SLC4A8: variants seen among roughly 807,000 people sequenced by gnomAD.
SLC4A8 encodes solute carrier family 4 member 8.
A neutral mutation model predicts 125.0 loss-of-function variants in SLC4A8; 40 were observed. The ratio of observed to expected loss-of-function variants is 0.32; its 90% CI spans 0.25 to 0.42. The LOEUF (loss-of-function observed/expected upper bound fraction) is 0.42. Ranked by LOEUF, SLC4A8 falls within the 10% of genes least tolerant of loss-of-function variation. SLC4A8 has a pLI of 1.00. For synonymous variants in SLC4A8, 456 were observed against 476.0 expected (o/e 0.96, Z 0.55); for missense variants, 863 against 1,355.1 (o/e 0.64, Z 5.70).
rs3215168 is a variant in SLC4A8 at position 51,508,469 on chromosome 12, A to ATT, written c.*1032_*1033insTT. ...TACATTCCAATTCCATCCTGGCGAG[A>ATT]TCCAAGTGCTTACGTACTGTCTCCT... On this transcript the variant is annotated 3_prime_UTR_variant, in exon 25 of 25. Transcript: ENST00000453097. 1.2e-4 allele frequency: 19 copies of ATT among 152,656 alleles called. No individual in the cohort carries two copies. In the East Asian group the frequency reaches 3.5e-3, roughly 28 times the overall value. The allele number at this position is 152,656 out of a possible 1,614,324, so 9.5% of individuals were successfully genotyped here. A position where few individuals can be genotyped will look rare whatever the true frequency, so the allele number is the denominator to read the frequency against.
intron 11 of SLC4A8, 125 bp from the exon 12 acceptor site, chr12:51,469,489 G>A (rs1450827053): frequency 3.2e-5 from 25 of 773,028 alleles, no homozygotes; most frequent in Non-Finnish European, 5.0e-5. Flanking sequence ...CTGTACTGGG[G>A]TCAAACTGAA....
chr12:51,411,013 T>C, intron 1 of SLC4A8, among the ~76,000 whole-genome samples: 1 of 149,218 alleles, frequency 6.7e-6, no homozygotes, highest in Non-Finnish European at 1.5e-5. Flanking sequence ...GTGCTGGGAA[T>C]ACAAGTGTGA....
At chr12:51,467,680 TA>T (rs570012553) in intron 11 of SLC4A8, among the ~76,000 whole-genome samples, 1 of 151,622 alleles carries the variant, frequency 6.6e-6, no homozygotes, top group Non-Finnish European at 1.5e-5. Flanking sequence ...TTCAAACATA[TA>T]AAAAAAAGGG....
chr12:51,459,389 C>G (rs1257500814), intron 7 of SLC4A8, among the ~76,000 whole-genome samples: 2 of 152,030 alleles, frequency 1.3e-5, no homozygotes, highest in Non-Finnish European at 2.9e-5. Flanking sequence ...GAACCTATAC[C>G]TTAAAAGCTC....
chr12:51,463,409 G>T (rs533721842), intron 10 of SLC4A8, among the ~76,000 whole-genome samples: 1 of 125,466 alleles, frequency 8.0e-6, no homozygotes, highest in Non-Finnish European at 1.7e-5. Context: ...AGAAATTATG[G>T]GGTGTGTGTG....
chr12:51,401,388 C>G (rs1460870017), intron 1 of SLC4A8, among the ~76,000 whole-genome samples: 3 of 152,124 alleles, frequency 2.0e-5, no homozygotes, highest in Admixed American at 6.5e-5. Context: ...ATAGGGGAGC[C>G]AGAAGGGAGA....
At position 51,509,152 on chromosome 12, in the gene SLC4A8, A is replaced by G. The variant is rs1938279133; in HGVS notation, c.*1714A>G. 2 of 152,682 alleles carry G rather than the reference A, an allele frequency of 1.3e-5. No individual in the cohort carries two copies. The highest frequency in any genetic ancestry group is 2.4e-5 in the African/African-American group (1 of 41,470). The allele number at this position is 152,682 out of a possible 1,614,324, so 9.5% of individuals were successfully genotyped here. On this transcript the variant is annotated 3_prime_UTR_variant, in exon 25 of 25. Transcript: ENST00000453097. The stretch of plus-strand genomic sequence containing the variant: ...TTGTACCAATGCCTATTGGCTGAAC[A>G]TTATGCTACTTTCAGATATTAAAAT...
In SLC4A8 at chr12:51,474,440, C is replaced by G. The variant is rs1416700874; in HGVS notation, c.2003C>G (p.Thr668Ser). ...VTAEVHWANLTVSECQEMHGE... is the reference protein window; with the variant it reads ...VTAEVHWANLSVSECQEMHGE... ...GCAGAAGTCCACTGGGCTAACCTGA[C>G]TGTCAGTGTAAGTCTGGGAGCTGCC... is the stretch of plus-strand genomic sequence containing the variant. Residue 668 changes from threonine to serine, a missense_variant, in exon 15 of 25, where the codon ACT (threonine) becomes AGT (serine). Thr to Ser is a moderately conservative substitution (Grantham distance 58). Around this residue, in one of 6 missense-constraint regions of SLC4A8, gnomAD observed 76 missense variants for 80.2 expected, o/e 0.95. Coordinates refer to ENST00000453097, the MANE Select transcript of SLC4A8 (RefSeq NM_001039960.3). 1 of 1,613,298 alleles carries G rather than the reference C, an allele frequency of 6.2e-7. No homozygotes were observed. The highest frequency in any genetic ancestry group is 1.3e-5 in the African/African-American group (1 of 74,928).
In SLC4A8 at chr12:51,485,783, C is replaced by T. The variant is rs1357570279; in HGVS notation, c.2173-4C>T. 16 of 1,561,952 alleles carry T rather than the reference C, an allele frequency of 1.0e-5. No homozygotes were observed. Among genetic ancestry groups the T allele is most frequent in the Non-Finnish European group, 1.2e-5 (14 of 1,132,842 alleles). ...AACATGTGTCCACTTCTTTCTCATG[C>T]CAGGTACGCTCCATGGTGAGTGACT... On this transcript the variant is annotated splice_polypyrimidine_tract_variant and splice_region_variant and intron_variant, in intron 16 of 24. Transcript: ENST00000453097.
chr12:51,448,041 C>T (rs568689099), intron 2 of SLC4A8, among the ~76,000 whole-genome samples: 55 of 152,108 alleles, frequency 3.6e-4, no homozygotes, highest in Non-Finnish European at 7.5e-4. Flanking sequence ...TTTTATTTCT[C>T]TTGAACTTGT....
At chr12:51,505,286 T>A (rs1346181480) in intron 23 of SLC4A8, among the ~76,000 whole-genome samples, 1 of 152,240 alleles carries the variant, frequency 6.6e-6, no homozygotes, top group Non-Finnish European at 1.5e-5. Context: ...AGGTCTTGAT[T>A]CTCTACTTGC....
chr12:51,423,358 G>A (rs1052506300), upstream of SLC4A8, among the ~76,000 whole-genome samples: 5 of 152,192 alleles, frequency 3.3e-5, no homozygotes, highest in Admixed American at 1.3e-4. Flanking sequence ...TGGCTTTTGA[G>A]ATTAACTTTG....
intron 16 of SLC4A8, among the ~76,000 whole-genome samples, chr12:51,476,906 C>CTTTTTTTTTTTTTTTTTTTT (rs67928969): frequency 1.6e-4 from 19 of 118,536 alleles, no homozygotes; most frequent in Admixed American, 3.5e-4. Context: ...TTTTTCTTTT[C>CTTTTTTTTTTTTTTTTTTTT]TTTTTTTTTT....
intron 21 of SLC4A8, among the ~76,000 whole-genome samples, chr12:51,495,774 G>A (rs1341330695): frequency 6.6e-6 from 1 of 151,812 alleles, no homozygotes; most frequent in Non-Finnish European, 1.5e-5. Context: ...GAGCCACTGC[G>A]CCCAGCTTGT....
chr12:51,494,725 G>C (rs1951416486), intron 20 of SLC4A8: 3 of 442,044 alleles, frequency 6.8e-6, no homozygotes, highest in Non-Finnish European at 1.2e-5. Flanking sequence ...AAAGAAGTTT[G>C]AACCTAGAAT....
intron 11 of SLC4A8, among the ~76,000 whole-genome samples, chr12:51,466,992 G>T (rs1001748662): frequency 6.6e-6 from 1 of 151,838 alleles, no homozygotes; most frequent in South Asian, 2.1e-4. Context: ...TGTGTAGGGG[G>T]TCACTATTAT....
chr12:51,503,188 C>CTT (rs1565825885), intron 22 of SLC4A8, among the ~76,000 whole-genome samples: 1 of 150,672 alleles, frequency 6.6e-6, no homozygotes, highest in Non-Finnish European at 1.5e-5. Flanking sequence ...TCGTAGAGAT[C>CTT]TTTTACCTTA....
At chr12:51,441,734 G>A (rs952508244) in intron 2 of SLC4A8, among the ~76,000 whole-genome samples, 2 of 152,184 alleles carry the variant, frequency 1.3e-5, no homozygotes, top group Non-Finnish European at 2.9e-5. Flanking sequence ...GCCTGTTCCC[G>A]TGACAGTTTT....
chr12:51,427,608 C>T (rs906284489), intron 1 of SLC4A8, among the ~76,000 whole-genome samples: 30 of 152,060 alleles, frequency 2.0e-4, no homozygotes, highest in African/African-American at 6.5e-4. Flanking sequence ...ATGGGGATGA[C>T]TTGGGGGAGA....
Sources: allele counts gnomAD v4.1 joint callset (sites outside exome capture counted in the v4.1 genomes callset), GRCh38; gene constraint gnomAD v4.1.1; regional missense constraint gnomAD v4.1.1; transcripts MANE v1.5; gene names NCBI Gene and HGNC (gene_info 2026-07-23, HGNC 2026-07-21).